Variants in PCLO observed in about 807,000 individuals in gnomAD.
PCLO encodes piccolo presynaptic cytomatrix protein.
PCLO carries 82 observed loss-of-function variants against 427.5 expected under a neutral mutation model. The ratio of observed to expected loss-of-function variants is 0.19; its 90% CI spans 0.16 to 0.23. The LOEUF is 0.23. Among genes scored for constraint, PCLO ranks in the 10% least tolerant of loss-of-function variants. The probability of loss-of-function intolerance (pLI) is 1.00; values close to 1 mark genes in which losing one functional copy is unlikely to be tolerated. For missense variants in PCLO, 6,239 were observed against 6,115.9 expected (o/e 1.02, Z -0.67); for synonymous variants, 2,357 against 2,155.4 (o/e 1.09, Z -2.59).
intron 10 of PCLO, among the ~76,000 whole-genome samples, chr7:82,855,899 T>C (rs1443741370): frequency 6.6e-6 from 1 of 152,106 alleles, no homozygotes; most frequent in Non-Finnish European, 1.5e-5. Flanking sequence ...CTTGTTTATA[T>C]TGCCTATGGA....
Position 82,955,553 on chromosome 7 carries a change from T to G in PCLO, c.5400A>C (p.Arg1800Ser). The change falls in exon 5 of 25, where the codon AGA becomes AGC. Residue 1800 changes from arginine (R) to serine (S), a missense_variant. By Grantham distance (110) the Arg-to-Ser change is moderately radical. Around this residue, in one of 5 missense-constraint regions of PCLO, gnomAD observed 4,677 missense variants for 4,468.4 expected, o/e 1.05. Coordinates refer to ENST00000333891, the MANE Select transcript of PCLO (RefSeq NM_033026.6). ...TCTTTGATTTTTTACTAGAACTCTTTCTTTGTTGCTGTTCTATTTCCCTCT... is the reference window on the plus strand; with the variant it reads ...TCTTTGATTTTTTACTAGAACTCTTGCTTTGTTGCTGTTCTATTTCCCTCT... ...EKQREIEQQQ[R>S]KSSSKKSKKD... is the part of the protein sequence containing the mutation. 1 of 1,613,968 alleles carries G rather than the reference T, an allele frequency of 6.2e-7. No individual in the cohort carries two copies. Among genetic ancestry groups the G allele is most frequent in the South Asian group, 1.1e-5 (1 of 91,080 alleles).
chr7:82,909,084 C>T (rs758751139), intron 7 of PCLO, 71 bp from the exon 8 acceptor site: 111 of 1,481,472 alleles, frequency 7.5e-5, no homozygotes, highest in Non-Finnish European at 9.4e-5. Context: ...AGCAGATGTT[C>T]TGTAGTACTA....
chr7:82,847,000 A>G, intron 11 of PCLO, 139 bp downstream of exon 11: 1 of 593,308 alleles, frequency 1.7e-6, no homozygotes, highest in South Asian at 2.2e-5. Flanking sequence ...AATTCTTTCT[A>G]TGCTTTAGGC....
At chr7:82,778,702 C>T (rs922652646) in intron 22 of PCLO, among the ~76,000 whole-genome samples, 1 of 151,588 alleles carries the variant, frequency 6.6e-6, no homozygotes, top group African/African-American at 2.4e-5. Flanking sequence ...TATTTTTTTT[C>T]CATGTAGGCA....
At chr7:82,776,150 T>C (rs1790744297) in intron 22 of PCLO, among the ~76,000 whole-genome samples, 1 of 152,228 alleles carries the variant, frequency 6.6e-6, no homozygotes. Flanking sequence ...GCAATTTTTA[T>C]GTACCTTTGC....
At chr7:82,989,984 T>C (rs1298275646) in intron 3 of PCLO, among the ~76,000 whole-genome samples, 1 of 152,160 alleles carries the variant, frequency 6.6e-6, no homozygotes, top group African/African-American at 2.4e-5. Context: ...GAATTTCCTC[T>C]TTAGTAGAAA....
At chr7:83,012,500 C>A (rs753914512) in intron 3 of PCLO, among the ~76,000 whole-genome samples, 2 of 151,608 alleles carry the variant, frequency 1.3e-5, no homozygotes, top group Non-Finnish European at 2.9e-5. Flanking sequence ...ACCTGTAATC[C>A]CAGCTACTCA....
chr7:82,771,379 C>A (rs1790644340), intron 22 of PCLO, among the ~76,000 whole-genome samples: 1 of 151,812 alleles, frequency 6.6e-6, no homozygotes, highest in Non-Finnish European at 1.5e-5. Flanking sequence ...TAGAATGCAA[C>A]TCACTGGATT....
intron 1 of PCLO, 119 bp downstream of exon 1, chr7:83,162,226 A>G: frequency 1.7e-6 from 2 of 1,195,918 alleles, no homozygotes; most frequent in Non-Finnish European, 2.3e-6. Context: ...CCCACTGGGG[A>G]GAATAAAATG....
At chr7:83,105,795 A>T (rs767331538) in intron 3 of PCLO, among the ~76,000 whole-genome samples, 4 of 152,186 alleles carry the variant, frequency 2.6e-5, no homozygotes, top group Admixed American at 6.5e-5. Context: ...AAAGATTGTA[A>T]ATCTCTGGGG....
intron 3 of PCLO, among the ~76,000 whole-genome samples, chr7:83,113,083 C>T (rs1348350743): frequency 6.6e-6 from 1 of 152,204 alleles, no homozygotes; most frequent in Non-Finnish European, 1.5e-5. Flanking sequence ...ATTTATTGAG[C>T]TTTAGCAAGC....
At chr7:83,078,000 T>C (rs188467928) in intron 3 of PCLO, among the ~76,000 whole-genome samples, 4 of 152,178 alleles carry the variant, frequency 2.6e-5, no homozygotes, top group South Asian at 2.1e-4. Context: ...AGGTCGGTAA[T>C]TGCATTTTAA....
chr7:82,789,056 TG>T (rs1281459786), intron 22 of PCLO, among the ~76,000 whole-genome samples: 2 of 151,766 alleles, frequency 1.3e-5, no homozygotes, highest in East Asian at 1.9e-4. Flanking sequence ...AAGAAAACTA[TG>T]AAAAAAAATG....
At chr7:82,810,989 T>C (rs1791557175) in intron 20 of PCLO, among the ~76,000 whole-genome samples, 1 of 151,768 alleles carries the variant, frequency 6.6e-6, no homozygotes, top group Admixed American at 6.6e-5. Context: ...GTTTGGAATG[T>C]AAATAGGTTG....
At chr7:83,157,955 T>C (rs995728149) in intron 1 of PCLO, among the ~76,000 whole-genome samples, 2 of 152,082 alleles carry the variant, frequency 1.3e-5, no homozygotes, top group African/African-American at 2.4e-5. Flanking sequence ...TCAATACTTC[T>C]TATGAATTAA....
rs1486684085 is a variant in PCLO at position 83,069,796 on chromosome 7, C to T, written c.3300+64454G>A. ...CTCCACCTCCCCCACCCCACCCCCC[C>T]GCCCACACACACACACACACACACA... is the stretch of plus-strand genomic sequence containing the variant. On this transcript the variant is annotated intron_variant, in intron 3 of 24. Coordinates refer to ENST00000333891, the MANE Select transcript of PCLO (RefSeq NM_033026.6). Among the ~76,000 whole-genome samples the T allele has an allele frequency of 6.7e-4, 41 of 60,884 alleles. No homozygotes were observed. In the Admixed American group the frequency reaches 7.0e-3, roughly 10 times the overall value. 39.9% of individuals were successfully genotyped at this position (60,884 alleles called of 152,430 possible).
chr7:82,897,180 A>G (rs1348840643), intron 9 of PCLO, among the ~76,000 whole-genome samples: 2 of 151,612 alleles, frequency 1.3e-5, no homozygotes, highest in African/African-American at 4.8e-5. Context: ...CATTTTATTT[A>G]CAGATGAACA....
chr7:82,910,168 G>T (rs1291660710), intron 7 of PCLO, among the ~76,000 whole-genome samples: 2 of 151,966 alleles, frequency 1.3e-5, no homozygotes, highest in African/African-American at 4.8e-5. Flanking sequence ...ATTTGTTGAT[G>T]ATGTTGTCAA....
rs1795497853 is a variant in PCLO, at chr7:82,955,732, T to C, written c.5221A>G (p.Ser1741Gly). Reference protein sequence around the residue: ...PTSVSSLDEDSDSSPSHKKGE... With the variant: ...PTSVSSLDEDGDSSPSHKKGE... ...TTTTTGTGACTCGGGCTACTGTCAC[T>C]GTCCTCATCAAGTGATGATACTGAT... is the stretch of plus-strand genomic sequence containing the variant. The change falls in exon 5 of 25, where the codon AGT (serine) becomes GGT (glycine). Residue 1741 changes from serine to glycine, a missense_variant. Ser to Gly is a moderately conservative substitution (Grantham distance 56). Coordinates refer to ENST00000333891, the MANE Select transcript of PCLO (RefSeq NM_033026.6). 6.2e-7 allele frequency: 1 copy of C among 1,613,962 alleles called. No individual in the cohort carries two copies. The highest frequency in any genetic ancestry group is 8.5e-7 in the Non-Finnish European group (1 of 1,179,852).
Sources: gnomAD v4.1 joint callset for allele counts (sites outside exome capture counted in the v4.1 genomes callset) on GRCh38, gnomAD v4.1.1 for gene constraint, gnomAD v4.1.1 regional missense constraint, MANE v1.5 for transcripts, NCBI Gene and HGNC (gene_info 2026-07-23, HGNC 2026-07-21) for gene names.